The following CNTN5 variants were observed in gnomAD, a reference collection of about 807,000 sequenced individuals.
The protein encoded by CNTN5 is contactin 5.
A neutral mutation model predicts 129.1 loss-of-function variants in CNTN5; 77 were observed. The ratio of observed to expected loss-of-function variants is 0.60; its 90% CI spans 0.50 to 0.72. CNTN5 has a LOEUF of 0.72. CNTN5 is among the 30% of genes least tolerant of loss of function. The pLI, the probability that CNTN5 is intolerant of heterozygous loss-of-function variation, is 0.00. For synonymous variants in CNTN5, 509 were observed against 465.6 expected, an observed-to-expected ratio of 1.09 and a Z score of -1.20; for missense variants, 1,478 against 1,328.8, an observed-to-expected ratio of 1.11 and a Z score of -1.75.
chr11:99,375,193 C>T (rs372050663), intron 2 of CNTN5, among the ~76,000 whole-genome samples: 1 of 148,852 alleles, frequency 6.7e-6, no homozygotes, highest in South Asian at 2.2e-4. Context: ...ATCCCAGCTA[C>T]TCGGGAGGCT....
chr11:99,477,989 A>ATT (rs200046024), intron 2 of CNTN5, among the ~76,000 whole-genome samples: 4 of 150,574 alleles, frequency 2.7e-5, no homozygotes, highest in Non-Finnish European at 5.9e-5. Flanking sequence ...GTTGGAGATG[A>ATT]TTTTTTTCTT....
At chr11:99,027,906 C>T (rs1565257518) in intron 1 of CNTN5, among the ~76,000 whole-genome samples, 2 of 151,534 alleles carry the variant, frequency 1.3e-5, no homozygotes, top group Non-Finnish European at 3.0e-5. Context: ...AGGTAAAAGA[C>T]GGTGACTAAA....
At chr11:99,399,806 T>C (rs1336720829) in intron 2 of CNTN5, among the ~76,000 whole-genome samples, 1 of 151,920 alleles carries the variant, frequency 6.6e-6, no homozygotes, top group Non-Finnish European at 1.5e-5. Flanking sequence ...GTAAGCTTTG[T>C]TTTGTTTATT....
intron 1 of CNTN5, among the ~76,000 whole-genome samples, chr11:99,190,412 A>C (rs184147128): frequency 7.3e-5 from 11 of 151,606 alleles, no homozygotes; most frequent in Non-Finnish European, 1.6e-4. Flanking sequence ...AAACTGTAAG[A>C]TTTTTTTCTA....
intron 7 of CNTN5, among the ~76,000 whole-genome samples, chr11:99,918,874 G>T (rs1181632265): frequency 3.3e-5 from 5 of 151,944 alleles, no homozygotes; most frequent in Non-Finnish European, 7.4e-5. Flanking sequence ...GCCCACATTT[G>T]CTACCCACTC....
intron 1 of CNTN5, among the ~76,000 whole-genome samples, chr11:99,167,779 C>A (rs1490476954): frequency 3.3e-5 from 5 of 152,010 alleles, no homozygotes; most frequent in African/African-American, 1.2e-4. Flanking sequence ...TCCAGTATAA[C>A]TTTTAACTAA....
intron 13 of CNTN5, among the ~76,000 whole-genome samples, chr11:100,171,329 T>C (rs1425936108): frequency 6.6e-6 from 1 of 152,020 alleles, no homozygotes; most frequent in East Asian, 1.9e-4. Flanking sequence ...GAGCACTTAA[T>C]GTACCCCTAG....
intron 7 of CNTN5, among the ~76,000 whole-genome samples, chr11:99,939,478 G>T (rs1471663703): frequency 6.6e-6 from 1 of 151,896 alleles, no homozygotes; most frequent in Non-Finnish European, 1.5e-5. Flanking sequence ...TCTCTACAAG[G>T]TAAATTATTT....
intron 1 of CNTN5, among the ~76,000 whole-genome samples, chr11:99,186,994 A>C (rs1422519670): frequency 6.6e-6 from 1 of 151,888 alleles, no homozygotes; most frequent in African/African-American, 2.4e-5. Flanking sequence ...GGACAATGAG[A>C]GCTATCTTGC....
rs149730331 is a variant in CNTN5, at chr11:99,348,068, T to G, written c.-71+22584T>G. On this transcript the variant is annotated intron_variant, in intron 2 of 24. Transcript: ENST00000524871. Reference sequence around the variant, plus strand: ...TCATTAGATTACTAACAAATTAAATTTAAATAATTGCACAAAAGATCACTG... The same window carrying G: ...TCATTAGATTACTAACAAATTAAATGTAAATAATTGCACAAAAGATCACTG... Among the ~76,000 whole-genome samples the G allele has an allele frequency of 4.5e-3, 688 of 152,292 alleles. 4 individuals are homozygous for G. The highest frequency in any genetic ancestry group is 7.3e-3 in the Non-Finnish European group (494 of 68,030).
intron 18 of CNTN5, among the ~76,000 whole-genome samples, chr11:100,293,757 C>T (rs1041850091): frequency 1.3e-5 from 2 of 151,700 alleles, no homozygotes; most frequent in Non-Finnish European, 3.0e-5. Flanking sequence ...CACAAGAAAA[C>T]CTTTACCGTT....
intron 1 of CNTN5, among the ~76,000 whole-genome samples, chr11:99,027,012 C>T (rs1316538392): frequency 3.3e-5 from 5 of 151,462 alleles, no homozygotes; most frequent in African/African-American, 7.2e-5. Flanking sequence ...TTCTCTTAAC[C>T]AACAACTACA....
At chr11:99,325,767 G>A (rs1486503756) in intron 2 of CNTN5, among the ~76,000 whole-genome samples, 1 of 152,186 alleles carries the variant, frequency 6.6e-6, no homozygotes, top group Non-Finnish European at 1.5e-5. Context: ...AGGATGGCAA[G>A]TAACTGAATG....
At chr11:99,944,489 T>G (rs1950512654) in intron 7 of CNTN5, among the ~76,000 whole-genome samples, 1 of 151,964 alleles carries the variant, frequency 6.6e-6, no homozygotes, top group South Asian at 2.1e-4. Flanking sequence ...TTCTATTCAA[T>G]GTAGTATTGG....
At chr11:99,538,972 T>A (rs934628312) in intron 2 of CNTN5, among the ~76,000 whole-genome samples, 6 of 152,048 alleles carry the variant, frequency 3.9e-5, no homozygotes, top group African/African-American at 1.4e-4. Context: ...TCCTCCTCCA[T>A]GTAATATGTA....
intron 1 of CNTN5, among the ~76,000 whole-genome samples, chr11:99,201,383 T>TTTCCTTCC (rs1177606857): frequency 3.8e-5 from 1 of 26,040 alleles, no homozygotes; most frequent in Non-Finnish European, 7.2e-5. Context: ...TCCTTCCTTC[T>TTTCCTTCC]TTCCTTCCTT....
chr11:99,745,582 T>A (rs1237136654), intron 3 of CNTN5, among the ~76,000 whole-genome samples: 1 of 152,198 alleles, frequency 6.6e-6, no homozygotes, highest in Non-Finnish European at 1.5e-5. Context: ...TTAAAAGGAT[T>A]TTATTTAGGC....
chr11:100,073,119 T>C (rs1943995099), intron 12 of CNTN5, among the ~76,000 whole-genome samples: 2 of 151,784 alleles, frequency 1.3e-5, no homozygotes, highest in Admixed American at 1.3e-4. Context: ...CCATCTCTGC[T>C]CACTGCAACC....
At chr11:99,739,192 T>G (rs4567418) in intron 3 of CNTN5, among the ~76,000 whole-genome samples, 34,473 of 152,034 alleles carry the variant, frequency 0.23, 4,297 homozygotes, top group Admixed American at 0.35. Context: ...CCTTATGAAC[T>G]TTAAAAGTTT....
Sources: allele counts gnomAD v4.1 joint callset (sites outside exome capture counted in the v4.1 genomes callset), GRCh38; gene constraint gnomAD v4.1.1; transcripts MANE v1.5; gene names NCBI Gene and HGNC (gene_info 2026-07-23, HGNC 2026-07-21).